Variants in NFIX observed in about 807,000 individuals in gnomAD.
NFIX encodes the protein nuclear factor 1 X-type.
NFIX carries 2 observed loss-of-function variants against 53.3 expected under a neutral mutation model. The observed-to-expected ratio is 0.04, with a 90% CI of 0.02 to 0.12. The LOEUF (loss-of-function observed/expected upper bound fraction) is 0.12. Ranked by LOEUF, NFIX falls within the 10% of genes least tolerant of loss-of-function variation. NFIX has a pLI of 1.00. For synonymous variants in NFIX, 244 were observed against 289.0 expected (o/e 0.84, Z 1.58); for missense variants, 310 against 674.5 (o/e 0.46, Z 5.99).
At chr19:13,018,153 C>A (rs2012764221) in intron 1 of NFIX, among the ~76,000 whole-genome samples, 1 of 152,098 alleles carries the variant, frequency 6.6e-6, no homozygotes, top group African/African-American at 2.4e-5. Context: ...TTTCCAGTTG[C>A]CTTAGAGAGA....
In NFIX at chr19:13,045,179, G is replaced by T. The variant is rs2014905810; in HGVS notation, c.559+19627G>T. 6.6e-6 allele frequency among the ~76,000 whole-genome samples: 1 copy of T among 152,170 alleles called. No individual in the cohort carries two copies. The highest frequency in any genetic ancestry group is 1.5e-5 in the Non-Finnish European group (1 of 68,022). Reference sequence around the variant, plus strand: ...AAGAGACCTGGTGGCACTTGTCATGGTGAGACAGTGGCTCTCTTCTGAGGG... The same window carrying T: ...AAGAGACCTGGTGGCACTTGTCATGTTGAGACAGTGGCTCTCTTCTGAGGG... On this transcript the variant is annotated intron_variant, in intron 2 of 10. Transcript: ENST00000592199. This position sits in a 1 kb window ranked among gnomAD's most constrained non-coding sequence, Gnocchi z 4.4.
Position 13,068,113 on chromosome 19 carries a change from A to G in NFIX, c.560-4934A>G, listed in dbSNP as rs1018910898. On this transcript the variant is annotated intron_variant, in intron 2 of 10. Coordinates refer to ENST00000592199, the MANE Select transcript of NFIX (RefSeq NM_001365902.3). The surrounding 1 kb of genome is among the most constrained non-coding windows in gnomAD (Gnocchi z 4.2). ...GAGCAAGACTCCATCTCAAAAAAAA[A>G]ACAAAAACAAAAACAAAAAACAAAA... 5.9e-5 allele frequency among the ~76,000 whole-genome samples: 9 copies of G among 152,058 alleles called. No individual in the cohort carries two copies. The East Asian group carries it at 9.7e-4, about 16-fold the overall frequency.
chr19:13,024,374 TA>T, intron 1 of NFIX: 1 of 606,272 alleles, frequency 1.6e-6, no homozygotes, highest in Non-Finnish European at 2.1e-6. Context: ...TAGGTCTGAT[TA>T]AAAAATGTTG....
At chr19:13,054,574 G>A (rs1476076297) in intron 2 of NFIX, among the ~76,000 whole-genome samples, 1 of 152,086 alleles carries the variant, frequency 6.6e-6, no homozygotes, top group Non-Finnish European at 1.5e-5. Context: ...GCTGAGGCCA[G>A]TACCCCAGGG....
rs901640749 is a variant in NFIX, at chr19:13,014,198, T to C, written c.28-10823T>C. 12 of 152,216 alleles carry C rather than the reference T, an allele frequency of 7.9e-5. No individual in the cohort carries two copies. The highest frequency in any genetic ancestry group is 2.9e-5 in the Non-Finnish European group (2 of 68,032). The allele number at this position is 152,216 out of a possible 1,614,324, so 9.4% of individuals were successfully genotyped here. On this transcript the variant is annotated intron_variant, in intron 1 of 10. Coordinates refer to ENST00000592199, the MANE Select transcript of NFIX (RefSeq NM_001365902.3). This position sits in a 1 kb window ranked among gnomAD's most constrained non-coding sequence, Gnocchi z 4.4. ...GTTAGTTTTTAATGCGGGCTTTTTT[T>C]TTCTCACCCGCCGTTCCCTCCGCTC... is the stretch of plus-strand genomic sequence containing the variant.
rs2014222103 is a variant in NFIX at position 13,036,704 on chromosome 19, GC to G, written c.559+11155del. 6.6e-6 allele frequency among the ~76,000 whole-genome samples: 1 copy of G among 152,126 alleles called. No homozygotes were observed. The highest frequency in any genetic ancestry group is 1.5e-5 in the Non-Finnish European group (1 of 68,012). ...CATAATGGCAGTTATATAACAGGTG[GC>G]CCAGAATACAGACAGGGGGTGTAAT... On this transcript the variant is annotated intron_variant, in intron 2 of 10. Coordinates refer to ENST00000592199, the MANE Select transcript of NFIX (RefSeq NM_001365902.3). The surrounding 1 kb of genome is among the most constrained non-coding windows in gnomAD (Gnocchi z 4.7).
rs368556903 is a variant in NFIX at position 13,056,890 on chromosome 19, C to A, written c.560-16157C>A. ...CAGCCCACTGGTTCAGGGGCTGTGG[C>A]CTTTGCCCTGATCTGAAACAGGAGG... On this transcript the variant is annotated intron_variant, in intron 2 of 10. Coordinates refer to ENST00000592199, the MANE Select transcript of NFIX (RefSeq NM_001365902.3). Among the ~76,000 whole-genome samples, 24 of 152,346 alleles carry A rather than the reference C, an allele frequency of 1.6e-4. No individual in the cohort carries two copies. The South Asian group carries it at 5.0e-3, about 32-fold the overall frequency.
rs985137292 is a variant in NFIX, at chr19:13,021,920, T to C, written c.28-3101T>C. The stretch of plus-strand genomic sequence containing the variant: ...CTTTGCTGTTTTTTGTTGTGTCCTT[T>C]CTTAGCTCTTTTCTTTTCATTTGGG... On this transcript the variant is annotated intron_variant, in intron 1 of 10. Transcript: ENST00000592199. The surrounding 1 kb of genome is among the most constrained non-coding windows in gnomAD (Gnocchi z 4.2). Among the ~76,000 whole-genome samples the C allele has an allele frequency of 2.6e-5, 4 of 152,284 alleles. No individual in the cohort carries two copies. The highest frequency in any genetic ancestry group is 5.9e-5 in the Non-Finnish European group (4 of 68,018).
rs189770084 is a variant in NFIX, at chr19:13,067,955, A to C, written c.560-5092A>C. Among the ~76,000 whole-genome samples, 745 of 152,134 alleles carry C rather than the reference A, an allele frequency of 4.9e-3. 4 individuals are homozygous for C. The highest frequency in any genetic ancestry group is 0.017 in the Middle Eastern group (5 of 294). Reference sequence around the variant, plus strand: ...CCTGTCTCTTCTAAAAATACAAAAAATTAGCTGGTCCTGGTGACAGGTGCC... The same window carrying C: ...CCTGTCTCTTCTAAAAATACAAAAACTTAGCTGGTCCTGGTGACAGGTGCC... On this transcript the variant is annotated intron_variant, in intron 2 of 10. Coordinates refer to ENST00000592199, the MANE Select transcript of NFIX (RefSeq NM_001365902.3). This position sits in a 1 kb window ranked among gnomAD's most constrained non-coding sequence, Gnocchi z 4.2.
Position 13,027,040 on chromosome 19 carries a change from G to A in NFIX, c.559+1488G>A, listed in dbSNP as rs567085069. Among the ~76,000 whole-genome samples the A allele has an allele frequency of 4.6e-5, 7 of 152,186 alleles. No individual in the cohort carries two copies. Among genetic ancestry groups the A allele is most frequent in the Non-Finnish European group, 8.8e-5 (6 of 68,030 alleles). On this transcript the variant is annotated intron_variant, in intron 2 of 10. Transcript: ENST00000592199. This position sits in a 1 kb window ranked among gnomAD's most constrained non-coding sequence, Gnocchi z 4.3. ...GGTTTGGGGGTGCTTTCAGCACTGCGTCAGGAATGTAATCTAGACTAGAGT... is the reference window on the plus strand; with the variant it reads ...GGTTTGGGGGTGCTTTCAGCACTGCATCAGGAATGTAATCTAGACTAGAGT...
At chr19:13,053,342 G>A (rs1167299982) in intron 2 of NFIX, among the ~76,000 whole-genome samples, 2 of 152,078 alleles carry the variant, frequency 1.3e-5, no homozygotes, top group Non-Finnish European at 2.9e-5. Context: ...TCACAGGGCT[G>A]GGGAGCAATA....
rs990916335 is a variant in NFIX at position 13,096,279 on chromosome 19, T to C, written c.*1630T>C. On this transcript the variant is annotated 3_prime_UTR_variant, in exon 11 of 11. Coordinates refer to ENST00000592199, the MANE Select transcript of NFIX (RefSeq NM_001365902.3). ...AGGATCCTCTGAGAGAAAATCAACA[T>C]TGCACCACGTAGGGGTGGGCTATGG... is the stretch of plus-strand genomic sequence containing the variant. 3.3e-5 allele frequency: 5 copies of C among 152,598 alleles called. No homozygotes were observed. Among genetic ancestry groups the C allele is most frequent in the African/African-American group, 9.7e-5 (4 of 41,434 alleles). The allele number at this position is 152,598 out of a possible 1,614,324, so 9.5% of individuals were successfully genotyped here.
rs1355395762 is a variant in NFIX, at chr19:13,045,556, C to T, written c.559+20004C>T. The stretch of plus-strand genomic sequence containing the variant: ...AGGAAAGGAACGGCAGCAGGGCAAG[C>T]CAGGCCCAAGGAGGGCTCTAAGAAC... On this transcript the variant is annotated intron_variant, in intron 2 of 10. Transcript: ENST00000592199. This position sits in a 1 kb window ranked among gnomAD's most constrained non-coding sequence, Gnocchi z 4.4. 6.6e-6 allele frequency among the ~76,000 whole-genome samples: 1 copy of T among 152,130 alleles called. No individual in the cohort carries two copies. Among genetic ancestry groups the T allele is most frequent in the East Asian group, 1.9e-4 (1 of 5,186 alleles).
chr19:13,094,607 G>A lies in NFIX; in HGVS notation c.1495-28G>A, dbSNP rs745611976. On this transcript the variant is annotated intron_variant, in intron 10 of 10. Transcript: ENST00000592199. The surrounding 1 kb of genome is among the most constrained non-coding windows in gnomAD (Gnocchi z 4.3). ...ATGGGACCTGCCCCAGCTGTTCTCA[G>A]TATCGCCTCTTTTTCATCCTGTTTC... 6.5e-6 allele frequency: 10 copies of A among 1,535,964 alleles called. No individual in the cohort carries two copies. Among genetic ancestry groups the A allele is most frequent in the Middle Eastern group, 1.7e-4 (1 of 5,976 alleles).
At chr19:13,057,504 C>T (rs1240791154) in intron 2 of NFIX, among the ~76,000 whole-genome samples, 3 of 152,234 alleles carry the variant, frequency 2.0e-5, no homozygotes, top group Non-Finnish European at 2.9e-5. Flanking sequence ...CAAGCCGGCT[C>T]CTGATGCCAC....
rs571283796 is a variant in NFIX at position 13,052,102 on chromosome 19, C to T, written c.560-20945C>T. On this transcript the variant is annotated intron_variant, in intron 2 of 10. Coordinates refer to ENST00000592199, the MANE Select transcript of NFIX (RefSeq NM_001365902.3). The surrounding 1 kb of genome is among the most constrained non-coding windows in gnomAD (Gnocchi z 5.2). ...CGCCCTCAGGCATCCAGGTGGTGCC[C>T]GGGTTGATATGCAGCTGCCTGCCCT... Among the ~76,000 whole-genome samples the T allele has an allele frequency of 2.6e-5, 4 of 152,202 alleles. No individual in the cohort carries two copies. The East Asian group carries it at 7.7e-4, about 29-fold the overall frequency.
At chr19:13,069,660 C>A (rs182104387) in intron 2 of NFIX, 2 of 152,306 alleles carry the variant, frequency 1.3e-5, no homozygotes, top group Admixed American at 6.5e-5. Flanking sequence ...GGCCAGAGTC[C>A]GGGAGGCTGC....
At chr19:13,024,583 A>G in intron 1 of NFIX, 1 of 1,536,120 alleles carries the variant, frequency 6.5e-7, no homozygotes, top group East Asian at 2.4e-5. Flanking sequence ...GTCTGTGCAG[A>G]CGGACACTGT....
Position 13,072,706 on chromosome 19 carries a change from G to T in NFIX, c.560-341G>T, listed in dbSNP as rs1461941456. On this transcript the variant is annotated intron_variant, in intron 2 of 10. Coordinates refer to ENST00000592199, the MANE Select transcript of NFIX (RefSeq NM_001365902.3). This position sits in a 1 kb window ranked among gnomAD's most constrained non-coding sequence, Gnocchi z 4.0. ...GTGGACAATGTCTTGGGACAGTTTG[G>T]GTTGTCACAACTGGGGTGCTACTGT... 1.3e-5 allele frequency among the ~76,000 whole-genome samples: 2 copies of T among 152,228 alleles called. No homozygotes were observed. The highest frequency in any genetic ancestry group is 2.9e-5 in the Non-Finnish European group (2 of 68,032).
Sources: allele counts gnomAD v4.1 joint callset (sites outside exome capture counted in the v4.1 genomes callset), GRCh38; gene constraint gnomAD v4.1.1; non-coding constraint Gnocchi (gnomAD v3.1); transcripts MANE v1.5; gene names NCBI Gene and HGNC (gene_info 2026-07-23, HGNC 2026-07-21).